Variants in CDH13 observed in about 807,000 individuals in gnomAD.
The protein encoded by CDH13 is cadherin-13.
In CDH13, 24 loss-of-function variants were observed where a neutral mutation model predicts 63.8. The observed-to-expected ratio is 0.38, with a 90% CI of 0.27 to 0.53. The LOEUF is 0.53. Ranked by LOEUF, CDH13 falls within the 20% of genes least tolerant of loss-of-function variation. The pLI, the probability that CDH13 is intolerant of heterozygous loss-of-function variation, is 0.85. For missense variants in CDH13, 1,049 were observed against 903.1 expected (o/e 1.16, Z -2.07); for synonymous variants, 503 against 355.3 (o/e 1.42, Z -4.67).
intron 3 of CDH13, among the ~76,000 whole-genome samples, chr16:83,042,650 G>A (rs528668695): frequency 6.6e-5 from 10 of 152,142 alleles, no homozygotes; most frequent in South Asian, 2.1e-4. Flanking sequence ...TCCATGAAAC[G>A]GGTCTGTGGT....
At chr16:82,773,693 A>C (rs1415296690) in intron 1 of CDH13, among the ~76,000 whole-genome samples, 2 of 152,180 alleles carry the variant, frequency 1.3e-5, no homozygotes, top group Non-Finnish European at 2.9e-5. Flanking sequence ...AACTGACCTG[A>C]AGCAAACTGA....
intron 6 of CDH13, among the ~76,000 whole-genome samples, chr16:83,380,795 G>A (rs2091551419): frequency 6.6e-6 from 1 of 151,260 alleles, no homozygotes; most frequent in Admixed American, 6.6e-5. Context: ...AAGGGGGATA[G>A]AGAATATCAT....
chr16:83,728,751 G>A (rs571916568), intron 10 of CDH13: 1 of 152,292 alleles, frequency 6.6e-6, no homozygotes, highest in South Asian at 2.1e-4. Flanking sequence ...GGGTTTTGAC[G>A]AGAGAAATGG....
intron 2 of CDH13, among the ~76,000 whole-genome samples, chr16:82,930,268 C>T (rs115710036): frequency 0.014 from 2,192 of 152,116 alleles, 50 homozygotes; most frequent in African/African-American, 0.049. Context: ...TGAGCCGCTA[C>T]GTCCGGCCTG....
At chr16:83,253,688 G>A (rs1181846442) in intron 5 of CDH13, among the ~76,000 whole-genome samples, 3 of 152,198 alleles carry the variant, frequency 2.0e-5, no homozygotes, top group Non-Finnish European at 2.9e-5. Context: ...TTAAGATCAT[G>A]TGAGTTAATA....
At chr16:83,104,560 A>G (rs968956116) in intron 3 of CDH13, among the ~76,000 whole-genome samples, 1 of 151,978 alleles carries the variant, frequency 6.6e-6, no homozygotes, top group Non-Finnish European at 1.5e-5. Context: ...GCAAAAAAGG[A>G]AGAAGAATAG....
At chr16:83,608,640 C>T (rs1908571543) in intron 8 of CDH13, among the ~76,000 whole-genome samples, 1 of 151,370 alleles carries the variant, frequency 6.6e-6, no homozygotes, top group African/African-American at 2.4e-5. Flanking sequence ...CATACACCAC[C>T]ATGTCTGGCT....
intron 2 of CDH13, among the ~76,000 whole-genome samples, chr16:83,009,694 T>A (rs1428104785): frequency 6.6e-6 from 1 of 152,216 alleles, no homozygotes; most frequent in East Asian, 1.9e-4. Flanking sequence ...TGGTGGATAA[T>A]GTATATTTAA....
At chr16:83,576,452 G>T (rs567816476) in intron 7 of CDH13, among the ~76,000 whole-genome samples, 2 of 152,304 alleles carry the variant, frequency 1.3e-5, no homozygotes, top group Admixed American at 6.5e-5. Flanking sequence ...TGGCTAATGT[G>T]CTGTTCTATG....
chr16:83,791,828 AAAAG>A (rs1198881164), intron 13 of CDH13, among the ~76,000 whole-genome samples: 1 of 151,648 alleles, frequency 6.6e-6, no homozygotes, highest in African/African-American at 2.4e-5. Context: ...AAAAAAAAAA[AAAAG>A]CCAAGATGAG....
At chr16:83,349,910 A>G (rs1053484919) in intron 6 of CDH13, among the ~76,000 whole-genome samples, 1 of 152,038 alleles carries the variant, frequency 6.6e-6, no homozygotes, top group Non-Finnish European at 1.5e-5. Flanking sequence ...CTTGAGGTGC[A>G]TTATTAAAGC....
intron 5 of CDH13, among the ~76,000 whole-genome samples, chr16:83,218,058 G>A (rs542991676): frequency 1.3e-5 from 2 of 152,248 alleles, no homozygotes; most frequent in East Asian, 1.9e-4. Flanking sequence ...TACCAATGGA[G>A]TATTTGCACA....
chr16:82,887,650 A>C (rs1024512814), intron 2 of CDH13, among the ~76,000 whole-genome samples: 13 of 152,082 alleles, frequency 8.5e-5, no homozygotes, highest in African/African-American at 3.1e-4. Flanking sequence ...GTGAAACCTC[A>C]TCTCTATTAA....
At position 83,005,056 on chromosome 16, in the gene CDH13, C is replaced by G. The variant is rs553950391; in HGVS notation, c.158-26954C>G. Among the ~76,000 whole-genome samples the G allele has an allele frequency of 3.2e-4, 48 of 152,264 alleles. 1 individual carries two copies. In the South Asian group the frequency reaches 8.9e-3, roughly 28 times the overall value. On this transcript the variant is annotated intron_variant, in intron 2 of 13. Transcript: ENST00000567109. ...CCCTTTCATTCCCTGTTGAGCAGAG[C>G]TGAGTCACATGGCTATGGCCCGCTG...
At chr16:83,779,491 A>G (rs1187650120) in intron 11 of CDH13, among the ~76,000 whole-genome samples, 5 of 151,456 alleles carry the variant, frequency 3.3e-5, no homozygotes, top group African/African-American at 1.2e-4. Flanking sequence ...TACCAAAAAA[A>G]TCTATTATTG....
chr16:82,794,408 T>C (rs2036479032), intron 1 of CDH13, among the ~76,000 whole-genome samples: 1 of 130,344 alleles, frequency 7.7e-6, no homozygotes, highest in Admixed American at 8.3e-5. Context: ...TTTTTTTTTC[T>C]TTTCTTTTCT....
chr16:83,249,121 C>T (rs1905242015), intron 5 of CDH13, among the ~76,000 whole-genome samples: 1 of 152,100 alleles, frequency 6.6e-6, no homozygotes, highest in Admixed American at 6.6e-5. Flanking sequence ...CTCTGCTGGA[C>T]CTTCATGTCG....
At chr16:83,531,688 C>G (rs1318550179) in intron 7 of CDH13, among the ~76,000 whole-genome samples, 2 of 152,258 alleles carry the variant, frequency 1.3e-5, no homozygotes, top group East Asian at 3.9e-4. Flanking sequence ...GTGATGTGGC[C>G]ACTAACCCAG....
At chr16:83,518,635 G>A (rs2074756727) in intron 7 of CDH13, among the ~76,000 whole-genome samples, 2 of 148,636 alleles carry the variant, frequency 1.3e-5, no homozygotes, top group South Asian at 4.3e-4. Context: ...ACTACACCCG[G>A]CTAATTTTTG....
Sources: gnomAD v4.1 joint callset for allele counts (sites outside exome capture counted in the v4.1 genomes callset) on GRCh38, gnomAD v4.1.1 for gene constraint, MANE v1.5 for transcripts, NCBI Gene and HGNC (gene_info 2026-07-23, HGNC 2026-07-21) for gene names.